Variants in CAMKMT observed in about 807,000 individuals in gnomAD.
CAMKMT encodes CaM KMT.
A neutral mutation model predicts 48.0 loss-of-function variants in CAMKMT; 53 were observed. The observed-to-expected ratio is 1.10, with a 90% CI of 0.89 to 1.39. CAMKMT has a LOEUF of 1.39. CAMKMT is among the 40% of genes most tolerant of loss of function. The pLI, the probability that CAMKMT is intolerant of heterozygous loss-of-function variation, is 0.00. For synonymous variants in CAMKMT, 165 were observed against 152.3 expected (o/e 1.08, Z -0.61); for missense variants, 428 against 402.7 (o/e 1.06, Z -0.54).
chr2:44,576,196 C>T, intron 3 of CAMKMT, among the ~76,000 whole-genome samples: 1 of 151,430 alleles, frequency 6.6e-6, no homozygotes. Context: ...GGCGTGGTGG[C>T]ACATGCCTGT....
chr2:44,371,987 C>T (rs1679224226), intron 1 of CAMKMT, among the ~76,000 whole-genome samples: 1 of 152,140 alleles, frequency 6.6e-6, no homozygotes, highest in South Asian at 2.1e-4. Context: ...ATTCATTATG[C>T]TAAAACATAC....
At chr2:44,654,619 T>C (rs1264243929) in intron 3 of CAMKMT, among the ~76,000 whole-genome samples, 1 of 152,130 alleles carries the variant, frequency 6.6e-6, no homozygotes, top group East Asian at 1.9e-4. Context: ...TTCAAGCAGT[T>C]CTTGTGTCTT....
At chr2:44,504,179 C>G (rs1238561896) in intron 3 of CAMKMT, among the ~76,000 whole-genome samples, 1 of 152,050 alleles carries the variant, frequency 6.6e-6, no homozygotes, top group Non-Finnish European at 1.5e-5. Flanking sequence ...TTTTGAGGGA[C>G]ACAAACATTC....
At chr2:44,529,059 T>C (rs915388380) in intron 3 of CAMKMT, among the ~76,000 whole-genome samples, 3 of 152,198 alleles carry the variant, frequency 2.0e-5, no homozygotes, top group East Asian at 3.8e-4. Flanking sequence ...GAGAAACTTA[T>C]CAATAACCTG....
intron 3 of CAMKMT, among the ~76,000 whole-genome samples, chr2:44,682,142 G>C (rs1476890667): frequency 2.0e-5 from 3 of 152,162 alleles, no homozygotes; most frequent in Non-Finnish European, 2.9e-5. Context: ...ACATAGAAGA[G>C]ATCTAACTGT....
At chr2:44,388,802 C>G (rs1045524567) in intron 2 of CAMKMT, among the ~76,000 whole-genome samples, 2 of 152,168 alleles carry the variant, frequency 1.3e-5, no homozygotes, top group African/African-American at 4.8e-5. Context: ...GTGAGTCTAC[C>G]TGGCCCTGGG....
intron 3 of CAMKMT, among the ~76,000 whole-genome samples, chr2:44,642,310 G>A (rs886355110): frequency 3.3e-5 from 5 of 152,112 alleles, no homozygotes; most frequent in African/African-American, 1.2e-4. Context: ...AGAAGATAAG[G>A]GTGCAGAGAA....
intron 3 of CAMKMT, among the ~76,000 whole-genome samples, chr2:44,588,617 G>GA: frequency 2.5e-5 from 1 of 39,574 alleles, no homozygotes; most frequent in Non-Finnish European, 5.2e-5. Context: ...TCAGCCCCCC[G>GA]CCCGGCCAGC....
intron 3 of CAMKMT, among the ~76,000 whole-genome samples, chr2:44,474,244 A>T (rs952791613): frequency 1.3e-5 from 2 of 152,080 alleles, no homozygotes; most frequent in Non-Finnish European, 2.9e-5. Flanking sequence ...TTAGGAGTTC[A>T]TGACTAGCCT....
rs1049405462 is a variant in CAMKMT, at chr2:44,457,523, C to T, written c.376+67218C>T. 5.3e-5 allele frequency among the ~76,000 whole-genome samples: 8 copies of T among 151,866 alleles called. No homozygotes were observed. In the South Asian group the frequency reaches 1.2e-3, roughly 24 times the overall value. ...AAGCGATTCTCCCACCTCAGCCTCC[C>T]GAGTAGCTGGGACTACAGGTGCGTG... On this transcript the variant is annotated intron_variant, in intron 3 of 10. Coordinates refer to ENST00000378494, the MANE Select transcript of CAMKMT (RefSeq NM_024766.5).
At position 44,756,805 on chromosome 2, in the gene CAMKMT, G is replaced by A. The variant is rs566313475; in HGVS notation, c.762+2687G>A. 5.3e-4 allele frequency among the ~76,000 whole-genome samples: 80 copies of A among 152,162 alleles called. 1 individual carries two copies. Among genetic ancestry groups the A allele is most frequent in the Non-Finnish European group, 1.0e-3 (68 of 67,988 alleles). Reference sequence around the variant, plus strand: ...AGAAACAACACAGGGGCTACATGGTGGATCCTGAGTTCTTGATGATTCAGT... The same window carrying A: ...AGAAACAACACAGGGGCTACATGGTAGATCCTGAGTTCTTGATGATTCAGT... On this transcript the variant is annotated intron_variant, in intron 9 of 10. Coordinates refer to ENST00000378494, the MANE Select transcript of CAMKMT (RefSeq NM_024766.5).
intron 2 of CAMKMT, among the ~76,000 whole-genome samples, chr2:44,376,049 A>G (rs1679656290): frequency 6.6e-6 from 1 of 151,446 alleles, no homozygotes; most frequent in Non-Finnish European, 1.5e-5. Flanking sequence ...TGGCCTCCCA[A>G]AGTGCTGGGA....
chr2:44,457,233 A>T (rs139271399), intron 3 of CAMKMT: 1 of 152,284 alleles, frequency 6.6e-6, no homozygotes, highest in East Asian at 1.9e-4. Flanking sequence ...AAATAAAAAC[A>T]TGTATGGTTG....
At chr2:44,700,386 G>C (rs1459098613) in intron 3 of CAMKMT, among the ~76,000 whole-genome samples, 3 of 152,176 alleles carry the variant, frequency 2.0e-5, no homozygotes, top group African/African-American at 7.2e-5. Context: ...TGTCTGTTTA[G>C]TGCAAGAGGC....
intron 3 of CAMKMT, among the ~76,000 whole-genome samples, chr2:44,692,013 G>A (rs541808548): frequency 6.6e-6 from 1 of 152,232 alleles, no homozygotes; most frequent in East Asian, 1.9e-4. Context: ...GGTCAAAGCG[G>A]GAGGACAAGT....
intron 2 of CAMKMT, among the ~76,000 whole-genome samples, chr2:44,382,028 G>A (rs1200042283): frequency 6.9e-6 from 1 of 144,756 alleles, no homozygotes; most frequent in Admixed American, 7.3e-5. Flanking sequence ...AGCAGCCTCT[G>A]TCTCCTGGGT....
chr2:44,530,665 GA>G (rs1558681705), intron 3 of CAMKMT, among the ~76,000 whole-genome samples: 1 of 152,012 alleles, frequency 6.6e-6, no homozygotes, highest in East Asian at 1.9e-4. Flanking sequence ...CATTTTATTT[GA>G]TGAATTATTT....
intron 3 of CAMKMT, among the ~76,000 whole-genome samples, chr2:44,401,781 T>C (rs1682395386): frequency 6.6e-6 from 1 of 152,128 alleles, no homozygotes; most frequent in Non-Finnish European, 1.5e-5. Context: ...ATTTCTTGCT[T>C]TCGGAGTCTT....
chr2:44,549,755 G>A, intron 3 of CAMKMT: 1 of 472,666 alleles, frequency 2.1e-6, no homozygotes, highest in East Asian at 3.3e-5. Context: ...CCTACATGAT[G>A]TCTGTAAACT....
Sources: gnomAD v4.1 joint callset for allele counts (sites outside exome capture counted in the v4.1 genomes callset) on GRCh38, gnomAD v4.1.1 for gene constraint, MANE v1.5 for transcripts, NCBI Gene and HGNC (gene_info 2026-07-23, HGNC 2026-07-21) for gene names.